The following CEP131 variants were observed in gnomAD, a reference collection of about 807,000 sequenced individuals.
The protein encoded by CEP131 is centrosomal protein of 131 kDa.
Under a neutral mutation model 136.8 loss-of-function variants are expected in CEP131, and 99 were observed. The ratio of observed to expected loss-of-function variants is 0.72; its 90% CI spans 0.62 to 0.86. The LOEUF (loss-of-function observed/expected upper bound fraction) is 0.86, where lower values mean the gene tolerates loss of function less well. Among genes scored for constraint, CEP131 ranks in the 40% least tolerant of loss-of-function variants. The pLI is 0.00. For synonymous variants in CEP131, 646 were observed against 612.7 expected, an observed-to-expected ratio of 1.05 and a Z score of -0.80; for missense variants, 1,459 against 1,463.0, an observed-to-expected ratio of 1.00 and a Z score of 0.04.
At chr17:81,213,962 C>T (rs2062188937) in intron 2 of CEP131, among the ~76,000 whole-genome samples, 1 of 152,220 alleles carries the variant, frequency 6.6e-6, no homozygotes, top group African/African-American at 2.4e-5. Flanking sequence ...ACCAGCTCTC[C>T]CCAAAACTCG....
intron 3 of CEP131, among the ~76,000 whole-genome samples, chr17:81,207,916 A>G (rs2146651737): frequency 0.014 from 2 of 138 alleles, no homozygotes; most frequent in African/African-American, 0.028. Flanking sequence ...CACACACCAC[A>G]TAACACACAC....
At position 81,189,896 on chromosome 17, in the gene CEP131, G is replaced by A. The variant is rs1449078804; in HGVS notation, c.3168+19C>T. 1 of 1,612,684 alleles carries A rather than the reference G, an allele frequency of 6.2e-7. No homozygotes were observed. The highest frequency in any genetic ancestry group is 8.5e-7 in the Non-Finnish European group (1 of 1,179,684). ...GCTCCCAGCCCCGAGGTCCAGCAGGGCTGGCCACAGGGACTCACCTCATGT... is the reference window on the plus strand; with the variant it reads ...GCTCCCAGCCCCGAGGTCCAGCAGGACTGGCCACAGGGACTCACCTCATGT... On this transcript the variant is annotated intron_variant, in intron 25 of 25. Transcript: ENST00000450824.
At chr17:81,212,285 G>T (rs1254640249) in intron 2 of CEP131, among the ~76,000 whole-genome samples, 1 of 146,554 alleles carries the variant, frequency 6.8e-6, no homozygotes, top group Non-Finnish European at 1.5e-5. Flanking sequence ...TTGCGCTACT[G>T]CACTCCAGCC....
Position 81,215,153 on chromosome 17 carries a change from G to A in CEP131, c.177+4727C>T, listed in dbSNP as rs899871265. Among the ~76,000 whole-genome samples the A allele has an allele frequency of 6.6e-6, 1 of 151,896 alleles. No homozygotes were observed. The highest frequency in any genetic ancestry group is 1.5e-5 in the Non-Finnish European group (1 of 67,980). Reference sequence around the variant, plus strand: ...CTGTTGCCCAGGCTGGAGAGCAGTGGCATGATCATAGCTCACTGCAGCCTC... The same window carrying A: ...CTGTTGCCCAGGCTGGAGAGCAGTGACATGATCATAGCTCACTGCAGCCTC... On this transcript the variant is annotated intron_variant, in intron 2 of 25. Coordinates refer to ENST00000450824, the MANE Select transcript of CEP131 (RefSeq NM_014984.4). This position sits in a 1 kb window ranked among gnomAD's most constrained non-coding sequence, Gnocchi z 4.1.
intron 19 of CEP131, 51 bp downstream of exon 19, chr17:81,192,685 G>GGGGGGGGGGGGGGGGGGCCCC: frequency 4.2e-6 from 2 of 478,436 alleles, no homozygotes; most frequent in Non-Finnish European, 4.1e-6. Flanking sequence ...GGGGGGAGGG[G>GGGGGGGGGGGGGGGGGGCCCC]TCAGCCAGCG....
intron 13 of CEP131, 118 bp from the exon 14 acceptor site, chr17:81,197,173 G>A (rs897651265): frequency 5.8e-5 from 82 of 1,411,986 alleles, no homozygotes; most frequent in Non-Finnish European, 7.4e-5. Context: ...GCACACGGGA[G>A]CCCGTGGGAA....
At chr17:81,197,581 C>A in intron 13 of CEP131, 131 bp downstream of exon 13, 16 of 1,348,570 alleles carry the variant, frequency 1.2e-5, no homozygotes, top group Non-Finnish European at 1.5e-5. Context: ...CGGGTGGGGG[C>A]TGGCGAGAGA....
chr17:81,215,992 G>A lies in CEP131; in HGVS notation c.177+3888C>T, dbSNP rs892912509. ...CGTAATCCCAGCACTTTGGGAGGCCGAGGTGGGAGGATCGCTTCAGCCCAG... is the reference window on the plus strand; with the variant it reads ...CGTAATCCCAGCACTTTGGGAGGCCAAGGTGGGAGGATCGCTTCAGCCCAG... On this transcript the variant is annotated intron_variant, in intron 2 of 25. Coordinates refer to ENST00000450824, the MANE Select transcript of CEP131 (RefSeq NM_014984.4). This position sits in a 1 kb window ranked among gnomAD's most constrained non-coding sequence, Gnocchi z 4.1. Among the ~76,000 whole-genome samples the A allele has an allele frequency of 1.9e-4, 29 of 152,190 alleles. No homozygotes were observed. The highest frequency in any genetic ancestry group is 1.2e-3 in the Admixed American group (18 of 15,298).
intron 11 of CEP131, 109 bp downstream of exon 11, chr17:81,198,768 C>T (rs1015599189): frequency 8.7e-7 from 1 of 1,150,176 alleles, no homozygotes. Flanking sequence ...TTAAGTGGCC[C>T]CTAGAGCAGA....
At chr17:81,197,157 G>T in intron 13 of CEP131, 102 bp from the exon 14 acceptor site, 4 of 1,438,936 alleles carry the variant, frequency 2.8e-6, no homozygotes, top group Non-Finnish European at 3.7e-6. Flanking sequence ...GGACAGAGGG[G>T]CTGCTGCACA....
chr17:81,195,807 C>A, intron 16 of CEP131, 28 bp downstream of exon 16: 1 of 1,583,250 alleles, frequency 6.3e-7, no homozygotes, highest in Non-Finnish European at 8.6e-7. Context: ...GGGCTTGGGA[C>A]GCCGTGCAGT....
Position 81,189,779 on chromosome 17 carries a change from C to A in CEP131, c.3233G>T (p.Ser1078Ile). ...TCCCGGCATCCCTGGTCACTTGGTA[C>A]TTGGCGTGGGCCTCCTGTGCTGCTC... Reference protein sequence around the residue: ...LLEQHRRPTPSTK With the variant: ...LLEQHRRPTPITK Residue 1078 changes from serine to isoleucine, a missense_variant, in exon 26 of 26, where the codon AGT becomes ATT. Transcript: ENST00000450824. The A allele has an allele frequency of 6.2e-7, 1 of 1,605,128 alleles. No individual in the cohort carries two copies. The highest frequency in any genetic ancestry group is 8.5e-7 in the Non-Finnish European group (1 of 1,175,354).
chr17:81,201,660 C>T (rs1362856842), intron 7 of CEP131, among the ~76,000 whole-genome samples: 1 of 152,220 alleles, frequency 6.6e-6, no homozygotes, highest in Admixed American at 6.5e-5. Flanking sequence ...TGACCATCAG[C>T]ACAGTGCAGT....
chr17:81,192,677 G>A, intron 19 of CEP131, 59 bp downstream of exon 19: 2 of 1,331,142 alleles, frequency 1.5e-6, no homozygotes, highest in Non-Finnish European at 2.1e-6. Flanking sequence ...AGGGGGCGGG[G>A]GGGAGGGGTC....
In CEP131 at chr17:81,193,928, C is replaced by T. The variant is rs1156231915; in HGVS notation, c.2319G>A (p.Gln773=). Reference sequence around the variant, plus strand: ...ACCGGCCTGGGGCCACCACCCACCGCTGCCGAGCACGTTCGCGCTCCTGCT... The same window carrying T: ...ACCGGCCTGGGGCCACCACCCACCGTTGCCGAGCACGTTCGCGCTCCTGCT... ...LGQQERERAR[Q]RFQQHLEQEQ... is the part of the protein sequence containing the mutation. The change falls in exon 18 of 26, where the codon CAG becomes CAA. Residue 773 remains glutamine (Q), a splice_region_variant and synonymous_variant. Transcript: ENST00000450824. 2.0e-6 allele frequency: 3 copies of T among 1,534,450 alleles called. No homozygotes were observed. The highest frequency in any genetic ancestry group is 2.5e-5 in the East Asian group (1 of 40,636).
chr17:81,199,869 A>C, intron 8 of CEP131, 34 bp from the exon 9 acceptor site: 1 of 1,602,328 alleles, frequency 6.2e-7, no homozygotes. Flanking sequence ...TGGCGTTTAC[A>C]TCTGGAAGAC....
chr17:81,195,308 C>T (rs572558996), intron 16 of CEP131, among the ~76,000 whole-genome samples: 100 of 152,272 alleles, frequency 6.6e-4, no homozygotes, highest in African/African-American at 2.2e-3. Flanking sequence ...TCCTCAACCC[C>T]GGCTGTCAGC....
chr17:81,222,534 T>G (rs1487672916), intron 1 of CEP131, among the ~76,000 whole-genome samples: 1 of 152,188 alleles, frequency 6.6e-6, no homozygotes, highest in Non-Finnish European at 1.5e-5. Flanking sequence ...GGCACGAGCC[T>G]GTCTTCACCT....
At position 81,203,204 on chromosome 17, in the gene CEP131, C is replaced by G. The variant is rs966132109; in HGVS notation, c.629+290G>C. Among the ~76,000 whole-genome samples the G allele has an allele frequency of 6.6e-6, 1 of 152,186 alleles. No homozygotes were observed. On this transcript the variant is annotated intron_variant, in intron 6 of 25. Transcript: ENST00000450824. This position sits in a 1 kb window ranked among gnomAD's most constrained non-coding sequence, Gnocchi z 4.6. ...GTGAGCCCCAGACCTCACTGTGCCACATCTGGGCTGTTTTCTCTCTGTGGG... is the reference window on the plus strand; with the variant it reads ...GTGAGCCCCAGACCTCACTGTGCCAGATCTGGGCTGTTTTCTCTCTGTGGG...
Sources: gnomAD v4.1 joint callset for allele counts (sites outside exome capture counted in the v4.1 genomes callset) on GRCh38, gnomAD v4.1.1 for gene constraint, Gnocchi (gnomAD v3.1) non-coding constraint, MANE v1.5 for transcripts, NCBI Gene and HGNC (gene_info 2026-07-23, HGNC 2026-07-21) for gene names.